The following THSD7B variants were observed in gnomAD, a reference collection of about 807,000 sequenced individuals.
THSD7B encodes thrombospondin type-1 domain-containing protein 7B.
Under a neutral mutation model 213.6 loss-of-function variants are expected in THSD7B, and 138 were observed. That is an observed-to-expected ratio of 0.65 (90% CI 0.56 to 0.74). THSD7B has a LOEUF of 0.74. Ranked by LOEUF, THSD7B falls within the 30% of genes least tolerant of loss-of-function variation. The pLI is 0.00. For missense variants in THSD7B, 1,931 were observed against 1,991.5 expected, an observed-to-expected ratio of 0.97 and a Z score of 0.58; for synonymous variants, 742 against 687.0, an observed-to-expected ratio of 1.08 and a Z score of -1.25.
chr2:136,929,557 G>C (rs1684595198), intron 2 of THSD7B, among the ~76,000 whole-genome samples: 1 of 152,166 alleles, frequency 6.6e-6, no homozygotes, highest in Admixed American at 6.5e-5. Context: ...AGCCACTCAG[G>C]AAATTTTCAT....
chr2:137,509,666 C>T (rs1218058966), intron 15 of THSD7B, among the ~76,000 whole-genome samples: 1 of 152,154 alleles, frequency 6.6e-6, no homozygotes, highest in Admixed American at 6.5e-5. Context: ...TTTCTACAGG[C>T]TGTTTTATTC....
At chr2:137,569,791 C>T (rs1449659749) in intron 16 of THSD7B, among the ~76,000 whole-genome samples, 4 of 143,070 alleles carry the variant, frequency 2.8e-5, no homozygotes, top group African/African-American at 1.0e-4. Flanking sequence ...CCTTTCCCTC[C>T]CAATTATTAT....
chr2:137,495,301 T>C (rs1679535860), intron 15 of THSD7B, among the ~76,000 whole-genome samples: 1 of 152,128 alleles, frequency 6.6e-6, no homozygotes, highest in Admixed American at 6.5e-5. Flanking sequence ...CTTTGCCTTT[T>C]CTTCTTTCTG....
chr2:136,954,821 C>T (rs1685099287), intron 2 of THSD7B, among the ~76,000 whole-genome samples: 1 of 151,538 alleles, frequency 6.6e-6, no homozygotes, highest in Admixed American at 6.6e-5. Context: ...TTTCTGGATC[C>T]TCAGAATTCA....
intron 1 of THSD7B, among the ~76,000 whole-genome samples, chr2:136,767,917 C>T (rs957571310): frequency 3.3e-5 from 5 of 152,044 alleles, no homozygotes; most frequent in Non-Finnish European, 7.4e-5. Flanking sequence ...TCTTCTGGCC[C>T]ATTGTTTTCC....
intron 7 of THSD7B, among the ~76,000 whole-genome samples, chr2:137,183,490 A>G (rs1558950015): frequency 6.6e-6 from 1 of 152,202 alleles, no homozygotes; most frequent in Non-Finnish European, 1.5e-5. Flanking sequence ...ACAAATCATG[A>G]TTGTAAAAAG....
intron 2 of THSD7B, among the ~76,000 whole-genome samples, chr2:137,003,449 G>C (rs1031847971): frequency 3.9e-5 from 6 of 152,268 alleles, no homozygotes; most frequent in Admixed American, 1.3e-4. Flanking sequence ...TAGAAGAATT[G>C]CTCAAATATT....
chr2:137,275,835 C>A, intron 11 of THSD7B, 88 bp from the exon 12 acceptor site: 1 of 1,009,988 alleles, frequency 9.9e-7, no homozygotes, highest in Non-Finnish European at 1.4e-6. Flanking sequence ...ACTGTCTTTA[C>A]TTTTTTTAAA....
chr2:137,515,693 T>C (rs1200449918), intron 15 of THSD7B, among the ~76,000 whole-genome samples: 1 of 152,178 alleles, frequency 6.6e-6, no homozygotes, highest in Non-Finnish European at 1.5e-5. Context: ...ATGTTGCAGC[T>C]CAGGGAGTTA....
chr2:137,301,302 T>C (rs1683595423), intron 12 of THSD7B, among the ~76,000 whole-genome samples: 2 of 152,136 alleles, frequency 1.3e-5, no homozygotes, highest in South Asian at 4.2e-4. Context: ...TCTGGCATGA[T>C]TGTTTCATTA....
rs139574990 is a variant in THSD7B at position 137,108,674 on chromosome 2, T to C, written c.1200-6450T>C. On this transcript the variant is annotated intron_variant, in intron 4 of 27. Transcript: ENST00000409968. ...TTCTTTGATTAATTTTGATTTGTCA[T>C]TTTAAGCTGCATCTACCTTTTGAGA... Among the ~76,000 whole-genome samples, 136 of 152,324 alleles carry C rather than the reference T, an allele frequency of 8.9e-4. 1 individual carries two copies. Among genetic ancestry groups the C allele is most frequent in the Admixed American group, 3.0e-3 (46 of 15,302 alleles).
intron 2 of THSD7B, among the ~76,000 whole-genome samples, chr2:136,978,766 G>C (rs1345119312): frequency 1.3e-5 from 2 of 151,974 alleles, no homozygotes; most frequent in Non-Finnish European, 2.9e-5. Context: ...CTTTTGATTG[G>C]GGCATTTAGC....
intron 5 of THSD7B, among the ~76,000 whole-genome samples, chr2:137,115,870 C>A (rs535665011): frequency 6.6e-6 from 1 of 152,066 alleles, no homozygotes; most frequent in African/African-American, 2.4e-5. Flanking sequence ...TATTTAGAGA[C>A]TGGGAAACTT....
intron 2 of THSD7B, among the ~76,000 whole-genome samples, chr2:136,919,514 T>A (rs1684399896): frequency 6.6e-6 from 1 of 152,256 alleles, no homozygotes; most frequent in Non-Finnish European, 1.5e-5. Flanking sequence ...TTATTCTAAA[T>A]GTACAGCATC....
chr2:137,339,716 G>A (rs1684716903), intron 12 of THSD7B, among the ~76,000 whole-genome samples: 1 of 151,868 alleles, frequency 6.6e-6, no homozygotes, highest in South Asian at 2.1e-4. Flanking sequence ...CTTTGGTGAG[G>A]AAGGGGACAG....
rs900159706 is a variant in THSD7B at position 136,772,038 on chromosome 2, C to CT, written c.-36+6360dup. ...CAAAGTAGGTACTGTTATTTAGTCC[C>CT]TTTTTTTTTGTAATAGGAAACAATC... is the stretch of plus-strand genomic sequence containing the variant. On this transcript the variant is annotated intron_variant, in intron 1 of 27. Transcript: ENST00000409968. Among the ~76,000 whole-genome samples, 31 of 151,064 alleles carry CT rather than the reference C, an allele frequency of 2.1e-4. No individual in the cohort carries two copies. The South Asian group carries it at 2.1e-3, about 10-fold the overall frequency.
At chr2:137,385,163 C>A (rs976649962) in intron 12 of THSD7B, among the ~76,000 whole-genome samples, 1 of 152,120 alleles carries the variant, frequency 6.6e-6, no homozygotes, top group Admixed American at 6.5e-5. Context: ...TAAAAGAGAC[C>A]GCACCTTTAC....
At chr2:137,070,424 C>T (rs78358621) in intron 3 of THSD7B, among the ~76,000 whole-genome samples, 2,155 of 151,746 alleles carry the variant, frequency 0.014, 40 homozygotes, top group African/African-American at 0.049. Context: ...ATCTACTGCA[C>T]TTGTATTTTC....
intron 12 of THSD7B, among the ~76,000 whole-genome samples, chr2:137,404,484 C>T (rs1352613256): frequency 3.9e-4 from 53 of 137,000 alleles, no homozygotes; most frequent in African/African-American, 8.2e-4. Flanking sequence ...TACACACACA[C>T]ACACACACAC....
Sources: gnomAD v4.1 joint callset for allele counts (sites outside exome capture counted in the v4.1 genomes callset) on GRCh38, gnomAD v4.1.1 for gene constraint, MANE v1.5 for transcripts, NCBI Gene and HGNC (gene_info 2026-07-23, HGNC 2026-07-21) for gene names.